Variants in BCAR3 observed in about 807,000 individuals in gnomAD.
BCAR3 encodes the protein BCAR3 adaptor protein, NSP family member.
Under a neutral mutation model 80.1 loss-of-function variants are expected in BCAR3, and 37 were observed. That is an observed-to-expected ratio of 0.46 (90% CI 0.36 to 0.61). BCAR3 has a LOEUF of 0.61. Among genes scored for constraint, BCAR3 ranks in the 20% least tolerant of loss-of-function variants. The pLI is 0.00. For missense variants in BCAR3, 978 were observed against 1,068.2 expected (o/e 0.92, Z 1.18); for synonymous variants, 389 against 418.9 (o/e 0.93, Z 0.87).
chr1:93,603,258 C>T (rs559654431), intron 3 of BCAR3, among the ~76,000 whole-genome samples: 51 of 152,238 alleles, frequency 3.4e-4, no homozygotes, highest in Non-Finnish European at 4.7e-4. Context: ...GCCCAGTGGG[C>T]ACATGGTGGC....
chr1:93,721,823 C>T (rs1018631103), intron 2 of BCAR3, among the ~76,000 whole-genome samples: 24 of 152,302 alleles, frequency 1.6e-4, no homozygotes, highest in African/African-American at 3.6e-4. Flanking sequence ...TCCTCAGGTC[C>T]GAATTCTGTT....
chr1:93,564,436 G>A (rs528486937), intron 11 of BCAR3, among the ~76,000 whole-genome samples: 5 of 151,642 alleles, frequency 3.3e-5, no homozygotes, highest in South Asian at 2.1e-4. Context: ...GCGCCACCAC[G>A]CCCGGCTAAT....
At chr1:93,812,099 T>C (rs1170186288) in intron 2 of BCAR3, among the ~76,000 whole-genome samples, 1 of 152,224 alleles carries the variant, frequency 6.6e-6, no homozygotes. Flanking sequence ...ATTTAATGGA[T>C]TGATTTTTTT....
chr1:93,574,940 C>T (rs1460247082), intron 8 of BCAR3, among the ~76,000 whole-genome samples: 1 of 152,180 alleles, frequency 6.6e-6, no homozygotes, highest in Non-Finnish European at 1.5e-5. Context: ...TGGGTATTTT[C>T]TATGGGATGT....
chr1:93,780,558 TGAAGA>T lies in BCAR3; in HGVS notation c.-63+65004_-63+65008del, dbSNP rs201053634. Among the ~76,000 whole-genome samples the T allele has an allele frequency of 1.5e-3, 177 of 118,826 alleles. 1 individual carries two copies. Among genetic ancestry groups the T allele is most frequent in the African/African-American group, 6.1e-3 (139 of 22,900 alleles). The allele number at this position is 118,826 out of a possible 152,430, so 78.0% of individuals were successfully genotyped here. A position where few individuals can be genotyped will look rare whatever the true frequency, so the allele number is the denominator to read the frequency against. On this transcript the variant is annotated intron_variant, in intron 2 of 13. Transcript: ENST00000370244. The stretch of plus-strand genomic sequence containing the variant: ...GAAAATGGAGATGGTAAACAGGAAG[TGAAGA>T]GGAGAGGAAAAAAAAAAAAAACAAG...
chr1:93,798,450 T>C (rs1653359297), intron 2 of BCAR3, among the ~76,000 whole-genome samples: 1 of 152,138 alleles, frequency 6.6e-6, no homozygotes, highest in Non-Finnish European at 1.5e-5. Context: ...CCAATTTTTT[T>C]TGGTAACTGG....
At chr1:93,726,688 T>C (rs111793583) in intron 2 of BCAR3, among the ~76,000 whole-genome samples, 3,857 of 152,304 alleles carry the variant, frequency 0.025, 149 homozygotes, top group African/African-American at 0.086. Flanking sequence ...ATTGGCAGTC[T>C]TTTTCCTTTC....
intron 3 of BCAR3, among the ~76,000 whole-genome samples, chr1:93,693,649 G>C (rs1649278284): frequency 6.6e-6 from 1 of 152,196 alleles, no homozygotes; most frequent in Admixed American, 6.5e-5. Context: ...CAACAGATCA[G>C]GTGGTCCTTT....
In BCAR3 at chr1:93,734,191, G is replaced by C. The variant is rs74665532; in HGVS notation, c.-62-28049C>G. Among the ~76,000 whole-genome samples the C allele has an allele frequency of 1.9e-3, 283 of 152,340 alleles. 14 individuals are homozygous for C. The East Asian group carries it at 0.052, about 28-fold the overall frequency. On this transcript the variant is annotated intron_variant, in intron 2 of 13. Transcript: ENST00000370244. ...CATTTGTGAAGTATGCAAGAGTACT[G>C]ACATGAAGTTTCAAGGCGCACATTT... is the stretch of plus-strand genomic sequence containing the variant.
intron 2 of BCAR3, among the ~76,000 whole-genome samples, chr1:93,725,251 T>C (rs1557667179): frequency 1.3e-5 from 2 of 152,196 alleles, no homozygotes; most frequent in Non-Finnish European, 1.5e-5. Flanking sequence ...AAATATATAC[T>C]GAATGAATAA....
At chr1:93,831,193 C>T (rs1209453211) in intron 2 of BCAR3, among the ~76,000 whole-genome samples, 1 of 152,140 alleles carries the variant, frequency 6.6e-6, no homozygotes, top group Non-Finnish European at 1.5e-5. Flanking sequence ...CTCTTGGTGA[C>T]AAGTCAACTG....
chr1:93,571,562 A>G lies in BCAR3; in HGVS notation c.1974+108T>C, dbSNP rs1407395407. On this transcript the variant is annotated intron_variant, in intron 9 of 11. Transcript: ENST00000260502. Reference sequence around the variant, plus strand: ...TCCCCTAAATGAAGCAGCTTTCACTAAGATTCAATTTACTTTTGAGATTGA... The same window carrying G: ...TCCCCTAAATGAAGCAGCTTTCACTGAGATTCAATTTACTTTTGAGATTGA... 4.3e-6 allele frequency: 6 copies of G among 1,408,360 alleles called. No homozygotes were observed. The East Asian group carries it at 1.4e-4, about 33-fold the overall frequency. 87.2% of individuals were successfully genotyped at this position (1,408,360 alleles called of 1,614,324 possible).
At chr1:93,734,045 G>A (rs1650893943) in intron 2 of BCAR3, among the ~76,000 whole-genome samples, 1 of 152,196 alleles carries the variant, frequency 6.6e-6, no homozygotes, top group Admixed American at 6.5e-5. Flanking sequence ...AATGTAGGCT[G>A]GCTGTCTCTC....
At chr1:93,614,804 A>G (rs1675056234) in intron 3 of BCAR3, among the ~76,000 whole-genome samples, 1 of 151,948 alleles carries the variant, frequency 6.6e-6, no homozygotes. Flanking sequence ...CTTCACTTTA[A>G]TTACTCATCG....
At chr1:93,840,999 TG>T (rs2100849568) in intron 2 of BCAR3, among the ~76,000 whole-genome samples, 1 of 152,260 alleles carries the variant, frequency 6.6e-6, no homozygotes, top group South Asian at 2.1e-4. Flanking sequence ...AGATGCTTAT[TG>T]TCTGGGAGAA....
chr1:93,832,548 C>T (rs1452121567), intron 2 of BCAR3, among the ~76,000 whole-genome samples: 2 of 152,180 alleles, frequency 1.3e-5, no homozygotes, highest in Non-Finnish European at 2.9e-5. Flanking sequence ...TGCCCAATCA[C>T]CTCGGAAGCC....
chr1:93,778,929 G>A (rs1014399051), intron 2 of BCAR3, among the ~76,000 whole-genome samples: 2 of 152,112 alleles, frequency 1.3e-5, no homozygotes, highest in African/African-American at 4.8e-5. Context: ...GTCTGTCTTT[G>A]TTATTGAAAG....
At chr1:93,642,999 G>C (rs755599497) in intron 2 of BCAR3, among the ~76,000 whole-genome samples, 1 of 151,676 alleles carries the variant, frequency 6.6e-6, no homozygotes, top group Non-Finnish European at 1.5e-5. Context: ...AGGCCAAGGC[G>C]GGAGGATCAA....
chr1:93,734,041 G>A (rs1650893498), intron 2 of BCAR3, among the ~76,000 whole-genome samples: 1 of 152,176 alleles, frequency 6.6e-6, no homozygotes, highest in South Asian at 2.1e-4. Context: ...AGCAAATGTA[G>A]GCTGGCTGTC....
Sources: allele counts gnomAD v4.1 joint callset (sites outside exome capture counted in the v4.1 genomes callset), GRCh38; gene constraint gnomAD v4.1.1; transcripts MANE v1.5; gene names NCBI Gene and HGNC (gene_info 2026-07-23, HGNC 2026-07-21).